Variants in ERCC4 observed in about 807,000 individuals in gnomAD.
ERCC4 encodes the protein ERCC excision repair 4, endonuclease catalytic subunit, also known as DNA repair endonuclease XPF.
Under a neutral mutation model 76.9 loss-of-function variants are expected in ERCC4, and 65 were observed. The observed-to-expected ratio is 0.84, with a 90% CI of 0.69 to 1.04. The LOEUF is 1.04. Ranked by LOEUF, ERCC4 falls within the 50% of genes least tolerant of loss-of-function variation. The probability of loss-of-function intolerance (pLI) is 0.00; values close to 1 mark genes in which losing one functional copy is unlikely to be tolerated. For missense variants in ERCC4, 1,214 were observed against 1,128.2 expected (o/e 1.08, Z -1.09); for synonymous variants, 463 against 410.1 (o/e 1.13, Z -1.56).
At chr16:13,930,685 A>G in intron 4 of ERCC4, 25 bp from the exon 5 acceptor site, 1 of 1,572,178 alleles carries the variant, frequency 6.4e-7, no homozygotes, top group Non-Finnish European at 8.8e-7. Context: ...TATTTTAGCA[A>G]TACCAAATTT....
At chr16:13,940,121 C>A (rs2032384259) in intron 9 of ERCC4, among the ~76,000 whole-genome samples, 1 of 152,184 alleles carries the variant, frequency 6.6e-6, no homozygotes. Context: ...TGCAGTGGCT[C>A]ACGCCTGTAA....
Position 13,948,278 on chromosome 16 carries a change from C to G in ERCC4, c.2682C>G (p.Ala894=). The part of the protein sequence containing the change: ...LTSILGNAAN[A]KQLYDFIHTS... Reference sequence around the variant, plus strand: ...GTATTCTGGGGAATGCTGCAAATGCCAAACAGCTTTATGATTTCATTCACA... The same window carrying G: ...GTATTCTGGGGAATGCTGCAAATGCGAAACAGCTTTATGATTTCATTCACA... The change falls in exon 11 of 11, where the codon GCC becomes GCG. Residue 894 remains alanine, a synonymous_variant. Coordinates refer to ENST00000311895, the MANE Select transcript of ERCC4 (RefSeq NM_005236.3). 1 of 1,614,024 alleles carries G rather than the reference C, an allele frequency of 6.2e-7. No homozygotes were observed. Among genetic ancestry groups the G allele is most frequent in the Non-Finnish European group, 8.5e-7 (1 of 1,179,996 alleles).
At chr16:13,927,336 A>G (rs2032090635) in intron 3 of ERCC4, 1 of 162,638 alleles carries the variant, frequency 6.1e-6, no homozygotes, top group South Asian at 1.8e-4. Context: ...AGGCAGGCGG[A>G]TCACCTGAGG....
At chr16:13,925,121 G>A (rs1167413463) in intron 2 of ERCC4, among the ~76,000 whole-genome samples, 1 of 152,152 alleles carries the variant, frequency 6.6e-6, no homozygotes, top group Non-Finnish European at 1.5e-5. Flanking sequence ...GATACCTACT[G>A]CATGGAATTA....
At chr16:13,933,088 C>G (rs2032214998) in intron 6 of ERCC4, 1 of 387,666 alleles carries the variant, frequency 2.6e-6, no homozygotes, top group Non-Finnish European at 5.1e-6. Context: ...TTTAAAGTAG[C>G]CTGGCGAGGT....
chr16:13,936,005 T>C (rs2032284532), intron 8 of ERCC4, among the ~76,000 whole-genome samples: 1 of 152,186 alleles, frequency 6.6e-6, no homozygotes, highest in Non-Finnish European at 1.5e-5. Flanking sequence ...TGGGTATTGG[T>C]TTGCATCGTA....
intron 10 of ERCC4, among the ~76,000 whole-genome samples, chr16:13,946,744 T>G (rs565993537): frequency 2.6e-5 from 4 of 151,194 alleles, no homozygotes; most frequent in South Asian, 2.1e-4. Flanking sequence ...ACATCTGTTT[T>G]TTTGTTTGTT....
Position 13,950,612 on chromosome 16 carries a change from C to T in ERCC4, c.*2265C>T, listed in dbSNP as rs2032613105. ...ATTTATTGTTTTATTGAATATAGTTCAGAGTATATTAAAATAGACCTACCA... is the reference window on the plus strand; with the variant it reads ...ATTTATTGTTTTATTGAATATAGTTTAGAGTATATTAAAATAGACCTACCA... On this transcript the variant is annotated 3_prime_UTR_variant, in exon 11 of 11. Coordinates refer to ENST00000311895, the MANE Select transcript of ERCC4 (RefSeq NM_005236.3). 1 of 192,748 alleles carries T rather than the reference C, an allele frequency of 5.2e-6. No individual in the cohort carries two copies. The highest frequency in any genetic ancestry group is 2.3e-5 in the African/African-American group (1 of 43,142). The allele number at this position is 192,748 out of a possible 1,614,324, so 11.9% of individuals were successfully genotyped here.
intron 6 of ERCC4, chr16:13,933,170 T>C (rs1311361195): frequency 1.1e-5 from 3 of 277,558 alleles, no homozygotes; most frequent in Non-Finnish European, 2.2e-5. Context: ...CACCAAGATA[T>C]GATCACACCA....
At position 13,949,970 on chromosome 16, in the gene ERCC4, A is replaced by ATT; in HGVS notation, c.*1631_*1632dup. On this transcript the variant is annotated 3_prime_UTR_variant, in exon 11 of 11. Transcript: ENST00000311895. Reference sequence around the variant, plus strand: ...CAACTTTAACAAAATTGTCATTGTTATTTTTTTTTGAGACAGAGTCTCCCT... The same window carrying ATT: ...CAACTTTAACAAAATTGTCATTGTTATTTTTTTTTTTGAGACAGAGTCTCCCT... 1 of 224,376 alleles carries ATT rather than the reference A, an allele frequency of 4.5e-6. No homozygotes were observed. The highest frequency in any genetic ancestry group is 8.9e-6 in the Non-Finnish European group (1 of 112,912). 13.9% of individuals were successfully genotyped at this position (224,376 alleles called of 1,614,324 possible). A position where few individuals can be genotyped will look rare whatever the true frequency, so the allele number is the denominator to read the frequency against.
chr16:13,921,144 T>A (rs142740824), intron 1 of ERCC4, among the ~76,000 whole-genome samples: 68 of 146,648 alleles, frequency 4.6e-4, no homozygotes, highest in African/African-American at 1.6e-3. Context: ...TGGGGAGACA[T>A]GAAAGGAGAT....
intron 2 of ERCC4, among the ~76,000 whole-genome samples, chr16:13,923,961 A>T (rs140654892): frequency 1.1e-3 from 168 of 152,308 alleles, no homozygotes; most frequent in African/African-American, 3.6e-3. Context: ...GAGCAATGTG[A>T]ATTTATGCAA....
rs1477312295 is a variant in ERCC4 at position 13,950,232 on chromosome 16, A to C, written c.*1885A>C. The C allele has an allele frequency of 5.3e-6, 1 of 189,444 alleles. No individual in the cohort carries two copies. The highest frequency in any genetic ancestry group is 1.1e-5 in the Non-Finnish European group (1 of 90,230). The allele number at this position is 189,444 out of a possible 1,614,324, so 11.7% of individuals were successfully genotyped here. A position where few individuals can be genotyped will look rare whatever the true frequency, so the allele number is the denominator to read the frequency against. Reference sequence around the variant, plus strand: ...CACCTTGGCCTCCCAAAGTGCTGAGATAACAGGCGTGAGCCACCGCACCCA... The same window carrying C: ...CACCTTGGCCTCCCAAAGTGCTGAGCTAACAGGCGTGAGCCACCGCACCCA... On this transcript the variant is annotated 3_prime_UTR_variant, in exon 11 of 11. Coordinates refer to ENST00000311895, the MANE Select transcript of ERCC4 (RefSeq NM_005236.3).
In ERCC4 at chr16:13,922,137, G is replaced by T. The variant is rs763208431; in HGVS notation, c.314G>T (p.Gly105Val). 1 of 1,613,620 alleles carries T rather than the reference G, an allele frequency of 6.2e-7. No homozygotes were observed. Among genetic ancestry groups the T allele is most frequent in the South Asian group, 1.1e-5 (1 of 91,062 alleles). Residue 105 changes from glycine to valine, a missense_variant, in exon 2 of 11, where the codon GGT becomes GTT. Coordinates refer to ENST00000311895, the MANE Select transcript of ERCC4 (RefSeq NM_005236.3). ...NSRYEVYTQGGVIFATSRILV... is the reference protein window; with the variant it reads ...NSRYEVYTQGVVIFATSRILV... ...CGCTATGAAGTTTACACACAAGGTG[G>T]TGTTATATTTGCGACAAGTAGGATA...
chr16:13,943,625 G>T (rs189921088), intron 9 of ERCC4, among the ~76,000 whole-genome samples: 1 of 152,296 alleles, frequency 6.6e-6, no homozygotes, highest in African/African-American at 2.4e-5. Context: ...ATATCAATGG[G>T]AAAATCTTGG....
chr16:13,933,177 A>C (rs2141950930), intron 6 of ERCC4: 4 of 232,926 alleles, frequency 1.7e-5, no homozygotes, highest in Middle Eastern at 9.2e-4. Flanking sequence ...ATATGATCAC[A>C]CCACTATACT....
In ERCC4 at chr16:13,939,218, T is replaced by C. The variant is rs1007375106; in HGVS notation, c.1904+1360T>C. On this transcript the variant is annotated intron_variant, in intron 9 of 10. Transcript: ENST00000311895. ...TGTCTTACTCTTTGTCTGCTAGACCTTCACGCCACAAGGCTCAAAGAGTAA... is the reference window on the plus strand; with the variant it reads ...TGTCTTACTCTTTGTCTGCTAGACCCTCACGCCACAAGGCTCAAAGAGTAA... Among the ~76,000 whole-genome samples, 6 of 152,328 alleles carry C rather than the reference T, an allele frequency of 3.9e-5. No homozygotes were observed. The East Asian group carries it at 1.2e-3, about 29-fold the overall frequency.
At chr16:13,932,583 A>AT (rs893101568) in intron 6 of ERCC4, 2 of 481,576 alleles carry the variant, frequency 4.2e-6, no homozygotes, top group Non-Finnish European at 3.6e-6. Context: ...CTATATATTG[A>AT]TTTTTTTAGA....
intron 9 of ERCC4, among the ~76,000 whole-genome samples, chr16:13,942,410 G>A (rs1353156292): frequency 4.6e-5 from 7 of 152,142 alleles, no homozygotes; most frequent in African/African-American, 9.7e-5. Context: ...AACAATTGTG[G>A]AATTATTTGA....
Sources: gnomAD v4.1 joint callset for allele counts (sites outside exome capture counted in the v4.1 genomes callset) on GRCh38, gnomAD v4.1.1 for gene constraint, MANE v1.5 for transcripts, NCBI Gene and HGNC (gene_info 2026-07-23, HGNC 2026-07-21) for gene names.